Variants in PARD3 observed in about 807,000 individuals in gnomAD.
PARD3 encodes partitioning defective 3 homolog.
A neutral mutation model predicts 155.4 loss-of-function variants in PARD3; 75 were observed. That is an observed-to-expected ratio of 0.48 (90% CI 0.40 to 0.58). PARD3 has a LOEUF of 0.58. PARD3 is among the 20% of genes least tolerant of loss of function. The pLI, the probability that PARD3 is intolerant of heterozygous loss-of-function variation, is 0.00. For synonymous variants in PARD3, 576 were observed against 610.5 expected, an observed-to-expected ratio of 0.94 and a Z score of 0.83; for missense variants, 1,642 against 1,721.7, an observed-to-expected ratio of 0.95 and a Z score of 0.82.
intron 19 of PARD3, among the ~76,000 whole-genome samples, chr10:34,319,520 T>C (rs1390855050): frequency 6.6e-5 from 10 of 152,194 alleles, no homozygotes; most frequent in Admixed American, 6.5e-4. Context: ...AAGATATAAA[T>C]AGTAATTGTG....
intron 19 of PARD3, among the ~76,000 whole-genome samples, chr10:34,325,631 C>A (rs1249890571): frequency 6.6e-6 from 1 of 152,108 alleles, no homozygotes; most frequent in Non-Finnish European, 1.5e-5. Context: ...CATCCCCCAA[C>A]CCCGAGCCCT....
At chr10:34,294,646 T>C (rs1956823365) in intron 20 of PARD3, among the ~76,000 whole-genome samples, 1 of 152,244 alleles carries the variant, frequency 6.6e-6, no homozygotes, top group African/African-American at 2.4e-5. Flanking sequence ...TTAATTCGCA[T>C]ATTCAGATTC....
chr10:34,202,985 C>A (rs1588739621), intron 22 of PARD3, among the ~76,000 whole-genome samples: 1 of 152,202 alleles, frequency 6.6e-6, no homozygotes, highest in Non-Finnish European at 1.5e-5. Context: ...CTTCAATTCA[C>A]TGAGGTCTGC....
At chr10:34,597,240 C>T (rs1338584856) in intron 2 of PARD3, among the ~76,000 whole-genome samples, 1 of 152,016 alleles carries the variant, frequency 6.6e-6, no homozygotes, top group Non-Finnish European at 1.5e-5. Context: ...CTACAAGAAG[C>T]ATAACTGCAC....
chr10:34,367,977 G>A (rs956231662), intron 12 of PARD3, among the ~76,000 whole-genome samples: 4 of 152,176 alleles, frequency 2.6e-5, no homozygotes, highest in African/African-American at 9.7e-5. Context: ...ATGTGGCTGG[G>A]CGCAGTGGCT....
chr10:34,635,456 G>A (rs1376155000), intron 2 of PARD3, among the ~76,000 whole-genome samples: 1 of 152,212 alleles, frequency 6.6e-6, no homozygotes, highest in Non-Finnish European at 1.5e-5. Context: ...TATCCTGAGG[G>A]ACCACAGGGG....
chr10:34,330,992 A>G, intron 19 of PARD3, 125 bp downstream of exon 19: 1 of 675,678 alleles, frequency 1.5e-6, no homozygotes, highest in Non-Finnish European at 2.5e-6. Flanking sequence ...ATAAGAGATT[A>G]TTAGACCTCA....
At chr10:34,337,144 G>T (rs994494796) in intron 17 of PARD3, 131 bp downstream of exon 17, 1 of 544,360 alleles carries the variant, frequency 1.8e-6, no homozygotes, top group Non-Finnish European at 3.0e-6. Flanking sequence ...ACTAATTTTT[G>T]CCAAATTGCC....
chr10:34,115,798 C>T lies in PARD3; in HGVS notation c.3668+3815G>A, dbSNP rs183859865. 5.4e-3 allele frequency among the ~76,000 whole-genome samples: 811 copies of T among 151,546 alleles called. 8 individuals are homozygous for T. Among genetic ancestry groups the T allele is most frequent in the African/African-American group, 0.018 (761 of 41,344 alleles). The stretch of plus-strand genomic sequence containing the variant: ...CGCGATCTCGGCTCACTGCAAGCTC[C>T]GCCTCCCGGGTTCACACCATTCTCC... On this transcript the variant is annotated intron_variant, in intron 24 of 24. Transcript: ENST00000374788.
chr10:34,466,380 T>C (rs1433219318), intron 4 of PARD3, among the ~76,000 whole-genome samples: 1 of 152,160 alleles, frequency 6.6e-6, no homozygotes, highest in African/African-American at 2.4e-5. Context: ...GTTTGTGATT[T>C]TGAACCAAAG....
At chr10:34,386,933 A>G (rs1167663766) in intron 7 of PARD3, among the ~76,000 whole-genome samples, 1 of 152,178 alleles carries the variant, frequency 6.6e-6, no homozygotes, top group African/African-American at 2.4e-5. Context: ...CATGCAGAAG[A>G]TATCTGACCA....
rs760990072 is a variant in PARD3 at position 34,111,427 on chromosome 10, T to C, written c.3804A>G (p.Gly1268=). 1.2e-6 allele frequency: 2 copies of C among 1,614,192 alleles called. No individual in the cohort carries two copies. Among genetic ancestry groups the C allele is most frequent in the South Asian group, 2.2e-5 (2 of 91,082 alleles). The stretch of plus-strand genomic sequence containing the variant: ...TGACCCTGGCGTTGAAGCCATGTCC[T>C]CCCAGGTAGCCGTTCCTGGAGCCTT... ...SYQGSRNGYL[G]GHGFNARVML... Residue 1268 remains glycine (G), a synonymous_variant, in exon 25 of 25, where the codon GGA becomes GGG. Coordinates refer to ENST00000374788, the MANE Select transcript of PARD3 (RefSeq NM_001184785.2).
rs58877037 is a variant in PARD3 at position 34,482,032 on chromosome 10, CTTTTT to C, written c.404-11774_404-11770del. Among the ~76,000 whole-genome samples, 59 of 101,576 alleles carry C rather than the reference CTTTTT, an allele frequency of 5.8e-4. No homozygotes were observed. In the East Asian group the frequency reaches 0.012, roughly 20 times the overall value. The allele number at this position is 101,576 out of a possible 152,430, so 66.6% of individuals were successfully genotyped here. ...ACCACTGTGCCCTGCTAATTTTTAT[CTTTTT>C]TTTTTTTTTTTTTTTGAAGCAGCAT... On this transcript the variant is annotated intron_variant, in intron 3 of 24. Transcript: ENST00000374788.
At chr10:34,633,640 G>A (rs1301092986) in intron 2 of PARD3, among the ~76,000 whole-genome samples, 1 of 152,218 alleles carries the variant, frequency 6.6e-6, no homozygotes, top group Non-Finnish European at 1.5e-5. Context: ...ACAAACACGG[G>A]TGTGGAGACA....
At chr10:34,452,812 C>T (rs1419748965) in intron 4 of PARD3, among the ~76,000 whole-genome samples, 1 of 152,210 alleles carries the variant, frequency 6.6e-6, no homozygotes, top group Non-Finnish European at 1.5e-5. Context: ...CGAAACTGAG[C>T]TCCCTATTTT....
intron 2 of PARD3, among the ~76,000 whole-genome samples, chr10:34,545,582 T>A (rs1387953091): frequency 6.6e-6 from 1 of 152,082 alleles, no homozygotes; most frequent in Non-Finnish European, 1.5e-5. Flanking sequence ...TGAGATGGAG[T>A]CTCGCTCTGT....
chr10:34,589,406 G>A (rs2088427335), intron 2 of PARD3, among the ~76,000 whole-genome samples: 1 of 152,032 alleles, frequency 6.6e-6, no homozygotes, highest in Non-Finnish European at 1.5e-5. Context: ...GAGGTCATTA[G>A]AGTGGGCCCT....
chr10:34,188,225 T>G (rs1950566154), intron 22 of PARD3, among the ~76,000 whole-genome samples: 1 of 152,206 alleles, frequency 6.6e-6, no homozygotes, highest in African/African-American at 2.4e-5. Flanking sequence ...TCATTGTCTT[T>G]TGTTTGGTAT....
At chr10:34,181,374 TA>T (rs1431346179) in intron 22 of PARD3, among the ~76,000 whole-genome samples, 1 of 152,208 alleles carries the variant, frequency 6.6e-6, no homozygotes, top group Non-Finnish European at 1.5e-5. Flanking sequence ...CAAAAATACG[TA>T]TCTGTATAAC....
Sources: gnomAD v4.1 joint callset for allele counts (sites outside exome capture counted in the v4.1 genomes callset) on GRCh38, gnomAD v4.1.1 for gene constraint, MANE v1.5 for transcripts, NCBI Gene and HGNC (gene_info 2026-07-23, HGNC 2026-07-21) for gene names.